PODXL2: variants seen among roughly 807,000 people sequenced by gnomAD.
The protein encoded by PODXL2 is podocalyxin like 2.
In PODXL2, 17 loss-of-function variants were observed where a neutral mutation model predicts 53.4. That is an observed-to-expected ratio of 0.32 (90% CI 0.22 to 0.48). The LOEUF is 0.48. Among genes scored for constraint, PODXL2 ranks in the 20% least tolerant of loss-of-function variants. The probability of loss-of-function intolerance (pLI) is 0.99; values close to 1 mark genes in which losing one functional copy is unlikely to be tolerated. For missense variants in PODXL2, 673 were observed against 760.0 expected, an observed-to-expected ratio of 0.89 and a Z score of 1.35; for synonymous variants, 311 against 306.7, an observed-to-expected ratio of 1.01 and a Z score of -0.15.
intron 6 of PODXL2, among the ~76,000 whole-genome samples, chr3:127,670,665 G>T (rs1023425201): frequency 2.0e-5 from 3 of 152,156 alleles, no homozygotes; most frequent in Non-Finnish European, 4.4e-5. Context: ...TCAGAAAGGG[G>T]GCCTGGTGCA....
rs767813895 is a variant in PODXL2 at position 127,662,290 on chromosome 3, C to T, written c.1185C>T (p.Asn395=). Residue 395 remains asparagine, a synonymous_variant, in exon 4 of 8, where the codon AAC becomes AAT. Coordinates refer to ENST00000342480, the MANE Select transcript of PODXL2 (RefSeq NM_015720.4). ...NLAGKNYIIL[N]MTENIDCEVF... ...CTGGGAAAAACTACATCATTCTGAA[C>T]ATGACAGAGAACATAGACTGTGTGA... 1.2e-6 allele frequency: 2 copies of T among 1,613,914 alleles called. No homozygotes were observed. Among genetic ancestry groups the T allele is most frequent in the South Asian group, 2.2e-5 (2 of 91,072 alleles).
chr3:127,641,988 T>C (rs2074623740), intron 2 of PODXL2, among the ~76,000 whole-genome samples: 1 of 143,538 alleles, frequency 7.0e-6, no homozygotes, highest in Non-Finnish European at 1.5e-5. Flanking sequence ...AGAATAAAAT[T>C]GATAGGTCAA....
intron 2 of PODXL2, among the ~76,000 whole-genome samples, chr3:127,648,831 C>T (rs146942537): frequency 0.029 from 3,729 of 129,864 alleles, 111 homozygotes; most frequent in East Asian, 0.1. Context: ...CTTGCTCTGT[C>T]GACCAGGCTG....
chr3:127,669,521 T>A (rs1439281109), intron 6 of PODXL2, among the ~76,000 whole-genome samples: 1 of 151,862 alleles, frequency 6.6e-6, no homozygotes, highest in Non-Finnish European at 1.5e-5. Context: ...GCAGTGAGGG[T>A]TAACTGGGAG....
intron 2 of PODXL2, among the ~76,000 whole-genome samples, chr3:127,647,071 G>A (rs553099143): frequency 6.6e-6 from 1 of 152,136 alleles, no homozygotes; most frequent in Non-Finnish European, 1.5e-5. Context: ...TTTCTGCTTG[G>A]TGGATAATGA....
At chr3:127,672,061 T>C (rs1040537812) in intron 7 of PODXL2, among the ~76,000 whole-genome samples, 1 of 152,226 alleles carries the variant, frequency 6.6e-6, no homozygotes, top group Non-Finnish European at 1.5e-5. Context: ...ATCGATGACG[T>C]CAGGGAGGCC....
intron 2 of PODXL2, among the ~76,000 whole-genome samples, chr3:127,646,317 C>T (rs1039776159): frequency 6.6e-6 from 1 of 152,124 alleles, no homozygotes; most frequent in Non-Finnish European, 1.5e-5. Flanking sequence ...CACCTCTCAG[C>T]ACAGTGATTT....
intron 2 of PODXL2, among the ~76,000 whole-genome samples, chr3:127,644,440 A>G (rs1220396645): frequency 6.6e-6 from 1 of 152,182 alleles, no homozygotes; most frequent in Non-Finnish European, 1.5e-5. Flanking sequence ...ACATTGTACC[A>G]GACAATTATT....
At chr3:127,641,996 C>G (rs1281103406) in intron 2 of PODXL2, among the ~76,000 whole-genome samples, 5 of 107,042 alleles carry the variant, frequency 4.7e-5, no homozygotes, top group Non-Finnish European at 7.4e-5. Flanking sequence ...ATTGATAGGT[C>G]AAAAGATGTA....
At chr3:127,652,353 GGGGCTGTGA>G (rs2074695054) in intron 2 of PODXL2, among the ~76,000 whole-genome samples, 1 of 152,170 alleles carries the variant, frequency 6.6e-6, no homozygotes, top group Admixed American at 6.5e-5. Flanking sequence ...GCCACCAGGG[GGGGCTGTGA>G]CTTCACAGTG....
intron 7 of PODXL2, 23 bp downstream of exon 7, chr3:127,671,636 C>G: frequency 1.2e-6 from 2 of 1,607,236 alleles, no homozygotes; most frequent in Non-Finnish European, 1.7e-6. Flanking sequence ...ACAGGTGGGG[C>G]TGGGGGCCAG....
Position 127,661,017 on chromosome 3 carries a change from C to G in PODXL2, c.989C>G (p.Thr330Ser). 6.2e-7 allele frequency: 1 copy of G among 1,614,242 alleles called. No homozygotes were observed. The highest frequency in any genetic ancestry group is 8.5e-7 in the Non-Finnish European group (1 of 1,180,040). The stretch of plus-strand genomic sequence containing the variant: ...GATGAAGATCCCCTTGGCTCTAGAA[C>G]CTCAGCCTCTTCCCCACTGGCCCCT... ...HPDEDPLGSR[T>S]SASSPLAPGD... is the part of the protein sequence containing the mutation. Residue 330 changes from threonine to serine, a missense_variant, in exon 3 of 8, where the codon ACC becomes AGC. Physicochemically the swap from Thr to Ser is moderately conservative, Grantham distance 58. This residue lies in a region of PODXL2 where 588 missense variants were observed against 668.3 expected (regional missense o/e 0.88). Transcript: ENST00000342480.
At chr3:127,668,407 C>T in intron 4 of PODXL2, 34 bp from the exon 5 acceptor site, 1 of 1,480,962 alleles carries the variant, frequency 6.8e-7, no homozygotes, top group Non-Finnish European at 9.0e-7. Flanking sequence ...CCCTTTCCTT[C>T]ACTGAACACG....
rs749358560 is a variant in PODXL2 at position 127,671,504 on chromosome 3, G to A, written c.1496G>A (p.Gly499Asp). The A allele has an allele frequency of 3.7e-6, 6 of 1,614,102 alleles. No homozygotes were observed. In the South Asian group the frequency reaches 6.6e-5, roughly 18 times the overall value. ...ARASQVRSDYGTLFVVLVVIG... is the reference protein window; with the variant it reads ...ARASQVRSDYDTLFVVLVVIG... Reference sequence around the variant, plus strand: ...GCCAGCCAGGTGCGCAGCGACTACGGCACGCTCTTCGTGGTGCTGGTGGTC... The same window carrying A: ...GCCAGCCAGGTGCGCAGCGACTACGACACGCTCTTCGTGGTGCTGGTGGTC... The change falls in exon 7 of 8, where the codon GGC (glycine) becomes GAC (aspartate). Residue 499 changes from glycine to aspartate, a missense_variant. Around this residue, in one of 3 missense-constraint regions of PODXL2, gnomAD observed 588 missense variants for 668.3 expected, o/e 0.88. Coordinates refer to ENST00000342480, the MANE Select transcript of PODXL2 (RefSeq NM_015720.4).
chr3:127,629,267 G>T lies in PODXL2; in HGVS notation c.48G>T (p.Pro16=), dbSNP rs1461312010. The change falls in exon 1 of 8, where the codon CCG becomes CCT. Residue 16 remains proline, a synonymous_variant. Coordinates refer to ENST00000342480, the MANE Select transcript of PODXL2 (RefSeq NM_015720.4). The surrounding 1 kb of genome is among the most constrained non-coding windows in gnomAD (Gnocchi z 6.4). ...RAARLPPLLS[P]LLLLLVGGAF... Reference sequence around the variant, plus strand: ...CCCGGCTGCCGCCGCTGCTTTCGCCGCTGCTGCTTCTGCTGGTTGGGGGTG... The same window carrying T: ...CCCGGCTGCCGCCGCTGCTTTCGCCTCTGCTGCTTCTGCTGGTTGGGGGTG... The T allele has an allele frequency of 5.9e-6, 6 of 1,015,442 alleles. No homozygotes were observed. The highest frequency in any genetic ancestry group is 4.5e-5 in the South Asian group (1 of 22,356). 62.9% of individuals were successfully genotyped at this position (1,015,442 alleles called of 1,614,324 possible).
chr3:127,668,043 C>T (rs1027787442), intron 4 of PODXL2, among the ~76,000 whole-genome samples: 5 of 152,160 alleles, frequency 3.3e-5, no homozygotes, highest in African/African-American at 1.2e-4. Flanking sequence ...GAGCAGTTCT[C>T]CCATAGGCCT....
chr3:127,641,397 TGG>T (rs1189860665), intron 2 of PODXL2, among the ~76,000 whole-genome samples: 1 of 149,768 alleles, frequency 6.7e-6, no homozygotes, highest in African/African-American at 2.5e-5. Context: ...TTTGTAGTGA[TGG>T]GGTCTTGCTA....
rs751805910 is a variant in PODXL2, at chr3:127,661,195, C to T, written c.1131+36C>T. ...GGGCATGCGGGCCACCACCCTGTAC[C>T]TTCTTCACAGAGCCTGGCCATCCCC... On this transcript the variant is annotated intron_variant, in intron 3 of 7. Transcript: ENST00000342480. 5.3e-6 allele frequency: 8 copies of T among 1,519,798 alleles called. No individual in the cohort carries two copies. In the African/African-American group the frequency reaches 1.1e-4, roughly 21 times the overall value. The allele number at this position is 1,519,798 out of a possible 1,614,324, so 94.1% of individuals were successfully genotyped here. A position where few individuals can be genotyped will look rare whatever the true frequency, so the allele number is the denominator to read the frequency against.
intron 1 of PODXL2, among the ~76,000 whole-genome samples, chr3:127,631,631 G>A (rs1460260025): frequency 2.0e-5 from 3 of 152,160 alleles, no homozygotes; most frequent in Admixed American, 6.5e-5. Flanking sequence ...TTTTAAGTCA[G>A]GTGGGGTCTC....
Sources: allele counts gnomAD v4.1 joint callset (sites outside exome capture counted in the v4.1 genomes callset), GRCh38; gene constraint gnomAD v4.1.1; regional missense constraint gnomAD v4.1.1; non-coding constraint Gnocchi (gnomAD v3.1); transcripts MANE v1.5; gene names NCBI Gene and HGNC (gene_info 2026-07-23, HGNC 2026-07-21).